Variants in XIST observed in about 807,000 individuals in gnomAD.
XIST encodes the protein X inactive specific transcript (non-protein coding).
chrX:73,823,091 C>T (rs1370770655), exon 6 of XIST: 2 of 553,232 alleles, frequency 3.6e-6, no homozygotes, highest in Non-Finnish European at 6.5e-6. Flanking sequence ...TGTCTCTAAG[C>T]CAGACCAATG....
exon 6 of XIST, chrX:73,824,891 A>G (rs1306594751): frequency 3.6e-6 from 2 of 552,370 alleles, no homozygotes; most frequent in African/African-American, 2.2e-5. Context: ...TAGAGGATAA[A>G]CTTTCCTCTT....
chrX:73,841,745 C>T (rs757123790), exon 1 of XIST: 2 of 504,537 alleles, frequency 4.0e-6, no homozygotes, highest in East Asian at 3.6e-5. Context: ...GTACTTCAAA[C>T]TACTTCAAAT....
intron 2 of XIST, among the ~76,000 whole-genome samples, chrX:73,836,895 G>C (rs1264716267): frequency 8.9e-6 from 1 of 111,828 alleles, no homozygotes; most frequent in Non-Finnish European, 1.9e-5. Flanking sequence ...AATGGCCAAA[G>C]CTGGAACAAT....
At chrX:73,831,242 G>A (rs1395539944) in exon 4 of XIST, 1 of 548,475 alleles carries the variant, frequency 1.8e-6, no homozygotes, top group East Asian at 3.3e-5. Context: ...CACTAACACT[G>A]TAAAACAACA....
exon 1 of XIST, chrX:73,850,566 G>T (rs1922894551): frequency 1.8e-6 from 1 of 541,797 alleles, no homozygotes; most frequent in Admixed American, 2.3e-5. Flanking sequence ...TCTGCCACCT[G>T]TTGGCCAACG....
exon 6 of XIST, chrX:73,827,969 G>A: frequency 1.9e-6 from 1 of 513,188 alleles, no homozygotes; most frequent in Non-Finnish European, 3.5e-6. Flanking sequence ...GAAAGAAAGA[G>A]ACAAAGAAAT....
At chrX:73,842,141 TCCAC>T (rs1897372660) in exon 1 of XIST, 3 of 519,012 alleles carry the variant, frequency 5.8e-6, no homozygotes, top group Non-Finnish European at 1.0e-5. Context: ...GGTTATCGAG[TCCAC>T]CCTACAATCC....
exon 1 of XIST, chrX:73,843,999 A>T: frequency 1.8e-6 from 1 of 558,924 alleles, no homozygotes; most frequent in Non-Finnish European, 3.2e-6. Context: ...AATGCAAAAG[A>T]GGTATAATGG....
At position 73,850,545 on chromosome X, in the gene XIST, G is replaced by A. The variant is rs758918094; in HGVS notation, n.2179C>T. 3.5e-5 allele frequency: 19 copies of A among 545,022 alleles called. No individual in the cohort carries two copies. The South Asian group carries it at 4.0e-4, about 11-fold the overall frequency. 44.9% of individuals were successfully genotyped at this position (545,022 alleles called of 1,213,427 possible). On this transcript the variant is annotated non_coding_transcript_exon_variant, in exon 1 of 6. Coordinates refer to ENST00000429829, the Ensembl canonical transcript of XIST. ...GTAGGTGTTCCTCTTGAGGAAGGCA[G>A]GAATTCCTCTTCTGCCACCTGTTGG... is the stretch of plus-strand genomic sequence containing the variant.
In XIST at chrX:73,848,137, G is replaced by A. The variant is rs748258615; in HGVS notation, n.4587C>T. ...TTAGCACCCTCTACTGTAATGCTAA[G>A]AGGGTGTGAGCAGTTGGGATCTTAA... On this transcript the variant is annotated non_coding_transcript_exon_variant, in exon 1 of 6. Transcript: ENST00000429829. 4 of 558,903 alleles carry A rather than the reference G, an allele frequency of 7.2e-6. No homozygotes were observed. The South Asian group carries it at 8.9e-5, about 12-fold the overall frequency. The allele number at this position is 558,903 out of a possible 1,213,427, so 46.1% of individuals were successfully genotyped here.
chrX:73,844,959 A>G (rs1922700650), exon 1 of XIST: 1 of 552,924 alleles, frequency 1.8e-6, no homozygotes, highest in African/African-American at 2.3e-5. Context: ...GGAGGCTTCC[A>G]TGTCTTATAC....
At chrX:73,825,655 C>A (rs1922233509) in exon 6 of XIST, 2 of 511,317 alleles carry the variant, frequency 3.9e-6, no homozygotes, top group African/African-American at 4.6e-5. Flanking sequence ...GTTTAAAAAA[C>A]AAATATGTAA....
chrX:73,836,563 C>A (rs1028694142), intron 2 of XIST, among the ~76,000 whole-genome samples: 2 of 111,560 alleles, frequency 1.8e-5, no homozygotes, highest in Non-Finnish European at 3.8e-5. Context: ...AATATAGATA[C>A]AGATGGTTAT....
At chrX:73,846,052 CG>C (rs1922754077) in exon 1 of XIST, 1 of 549,067 alleles carries the variant, frequency 1.8e-6, no homozygotes, top group African/African-American at 2.4e-5. Context: ...ATTGTCCAAA[CG>C]TAAGCGTCTT....
At chrX:73,825,338 A>G (rs1922225371) in exon 6 of XIST, 1 of 557,787 alleles carries the variant, frequency 1.8e-6, no homozygotes, top group South Asian at 2.2e-5. Context: ...ATAGTACTAT[A>G]TCCTTTTGAA....
In XIST at chrX:73,827,449, T is replaced by C. The variant is rs544056508; in HGVS notation, n.12452A>G. ...ACAAATACAAGCCAACAGAGATTAA[T>C]ACTGAAATAGAAAATCACAAACAGC... On this transcript the variant is annotated non_coding_transcript_exon_variant, in exon 6 of 6. Coordinates refer to ENST00000429829, the Ensembl canonical transcript of XIST. The C allele has an allele frequency of 9.2e-6, 5 of 540,548 alleles. 1 individual carries two copies. The East Asian group carries it at 1.7e-4, about 18-fold the overall frequency. The allele number at this position is 540,548 out of a possible 1,213,427, so 44.5% of individuals were successfully genotyped here. A position where few individuals can be genotyped will look rare whatever the true frequency, so the allele number is the denominator to read the frequency against.
exon 6 of XIST, chrX:73,821,580 CTG>C (rs1379948442): frequency 1.8e-6 from 1 of 556,229 alleles, no homozygotes; most frequent in African/African-American, 2.2e-5. Context: ...CTGCATGAAA[CTG>C]AACAATTTAA....
rs778816650 is a variant in XIST at position 73,827,500 on chromosome X, G to A, written n.12401C>T. The stretch of plus-strand genomic sequence containing the variant: ...AAGAGATGCTGAGGCACGCAGGGGA[G>A]GAGAGAGAGAATAGCCCAAGAGAGG... On this transcript the variant is annotated non_coding_transcript_exon_variant, in exon 6 of 6. Coordinates refer to ENST00000429829, the Ensembl canonical transcript of XIST. 1.1e-5 allele frequency: 6 copies of A among 537,791 alleles called. No individual in the cohort carries two copies. The South Asian group carries it at 1.2e-4, about 11-fold the overall frequency. The allele number at this position is 537,791 out of a possible 1,213,427, so 44.3% of individuals were successfully genotyped here.
At chrX:73,848,177 C>T (rs1218362586) in exon 1 of XIST, 1 of 555,936 alleles carries the variant, frequency 1.8e-6, no homozygotes, top group African/African-American at 2.2e-5. Context: ...ATGGAAAAGA[C>T]CATAATTGCA....
Sources: allele counts gnomAD v4.1 joint callset (sites outside exome capture counted in the v4.1 genomes callset), GRCh38; gene constraint gnomAD v4.1.1; transcripts MANE v1.5; gene names NCBI Gene and HGNC (gene_info 2026-07-23, HGNC 2026-07-21).